CPS1: variants seen among roughly 807,000 people sequenced by gnomAD.
CPS1 encodes the protein carbamoyl-phosphate synthase [ammonia], mitochondrial.
A neutral mutation model predicts 174.6 loss-of-function variants in CPS1; 109 were observed. The observed-to-expected ratio is 0.62, with a 90% CI of 0.53 to 0.73. The LOEUF (loss-of-function observed/expected upper bound fraction) is 0.73. CPS1 is among the 30% of genes least tolerant of loss of function. The pLI is 0.00. For missense variants in CPS1, 1,689 were observed against 1,821.9 expected (o/e 0.93, Z 1.33); for synonymous variants, 637 against 632.0 (o/e 1.01, Z -0.12).
intron 21 of CPS1, among the ~76,000 whole-genome samples, chr2:210,626,880 C>T (rs1699714229): frequency 6.6e-6 from 1 of 152,114 alleles, no homozygotes; most frequent in Non-Finnish European, 1.5e-5. Flanking sequence ...AAGTACATTT[C>T]TATTATAATA....
chr2:210,513,083 T>C (rs1695570517), intron 1 of CPS1, among the ~76,000 whole-genome samples: 1 of 136,624 alleles, frequency 7.3e-6, no homozygotes. Context: ...GAGATATATA[T>C]ATGGAGATAC....
intron 1 of CPS1, among the ~76,000 whole-genome samples, chr2:210,513,714 T>A (rs925583515): frequency 6.6e-6 from 1 of 151,952 alleles, no homozygotes; most frequent in Admixed American, 6.6e-5. Flanking sequence ...TGTGAATTTT[T>A]GTTTCTGTTG....
At position 210,661,945 on chromosome 2, in the gene CPS1, A is replaced by G. The variant is rs573296337; in HGVS notation, c.3928-1178A>G. 1.8e-3 allele frequency among the ~76,000 whole-genome samples: 222 copies of G among 124,930 alleles called. 1 individual carries two copies. The highest frequency in any genetic ancestry group is 6.6e-3 in the African/African-American group (210 of 31,676). 82.0% of individuals were successfully genotyped at this position (124,930 alleles called of 152,430 possible). On this transcript the variant is annotated intron_variant, in intron 32 of 37. Transcript: ENST00000233072. Reference sequence around the variant, plus strand: ...TTTTGAGACGGAGTCTTGCTCTGTCACCCTGGCTGGAGTGCAGTGCCATGA... The same window carrying G: ...TTTTGAGACGGAGTCTTGCTCTGTCGCCCTGGCTGGAGTGCAGTGCCATGA...
chr2:210,604,872 C>G, intron 16 of CPS1: 1 of 530,306 alleles, frequency 1.9e-6, no homozygotes, highest in Non-Finnish European at 3.4e-6. Flanking sequence ...CATATCAGCA[C>G]TTTGAATGGC....
chr2:210,510,419 A>G (rs907176423), intron 1 of CPS1, among the ~76,000 whole-genome samples: 3 of 152,206 alleles, frequency 2.0e-5, no homozygotes, highest in African/African-American at 7.2e-5. Context: ...TAAAACCATA[A>G]AAACCCTAGA....
intron 8 of CPS1, among the ~76,000 whole-genome samples, chr2:210,590,507 T>A (rs1032189031): frequency 2.0e-5 from 3 of 152,022 alleles, no homozygotes; most frequent in African/African-American, 7.2e-5. Flanking sequence ...TATTTTGCTT[T>A]ACAGTTTTAA....
intron 1 of CPS1, among the ~76,000 whole-genome samples, chr2:210,497,889 CATACATATATATATAT>C (rs1383390647): frequency 1.6e-5 from 1 of 63,066 alleles, no homozygotes; most frequent in African/African-American, 5.0e-5. Flanking sequence ...ACAATATATA[CATACATATATATATAT>C]ATATATATAT....
chr2:210,478,669 C>T lies in CPS1; in HGVS notation c.3+903C>T, dbSNP rs140810513. On this transcript the variant is annotated intron_variant, in intron 1 of 38. Coordinates refer to the CPS1 transcript ENST00000430249. Reference sequence around the variant, plus strand: ...ACACTGTGATTTGAGGATTTAGCTTCATATTCAAAATGTCTTTGTCTACTC... The same window carrying T: ...ACACTGTGATTTGAGGATTTAGCTTTATATTCAAAATGTCTTTGTCTACTC... Among the ~76,000 whole-genome samples the T allele has an allele frequency of 3.6e-3, 554 of 152,314 alleles. 3 individuals are homozygous for T. The highest frequency in any genetic ancestry group is 0.012 in the African/African-American group (497 of 41,564).
chr2:210,669,370 G>T (rs1701217235), intron 34 of CPS1, among the ~76,000 whole-genome samples: 1 of 152,066 alleles, frequency 6.6e-6, no homozygotes. Context: ...TGGGTCCTAT[G>T]AAAAACAACA....
chr2:210,599,643 T>G, intron 14 of CPS1, 82 bp downstream of exon 14: 1 of 1,448,486 alleles, frequency 6.9e-7, no homozygotes, highest in African/African-American at 1.4e-5. Flanking sequence ...ATCTAACAAT[T>G]GTGCTTTGTG....
chr2:210,515,031 C>A (rs188074434), intron 1 of CPS1, among the ~76,000 whole-genome samples: 23 of 151,466 alleles, frequency 1.5e-4, no homozygotes, highest in Admixed American at 4.0e-4. Context: ...GAACTTTACA[C>A]CCTAGGAATG....
chr2:210,588,429 A>G (rs1698180320), intron 7 of CPS1, among the ~76,000 whole-genome samples: 1 of 151,996 alleles, frequency 6.6e-6, no homozygotes. Flanking sequence ...TCTGAGATGC[A>G]TCATGTTCAC....
At chr2:210,513,010 A>G (rs1695563607) in intron 1 of CPS1, among the ~76,000 whole-genome samples, 1 of 9,722 alleles carries the variant, frequency 1.0e-4, no homozygotes, top group African/African-American at 1.8e-4. Context: ...AGATATATAT[A>G]TATCTATATA....
intron 1 of CPS1, among the ~76,000 whole-genome samples, chr2:210,543,297 A>G (rs1696479620): frequency 6.6e-6 from 1 of 152,126 alleles, no homozygotes. Flanking sequence ...ATTGCACTAT[A>G]AATGGCAAAT....
intron 19 of CPS1, 133 bp from the exon 20 acceptor site, chr2:210,611,984 T>TTA: frequency 1.2e-6 from 1 of 806,566 alleles, no homozygotes; most frequent in African/African-American, 1.8e-5. Flanking sequence ...TTTTTTTTTT[T>TTA]AATTTGAGAG....
chr2:210,608,437 A>T lies in CPS1; in HGVS notation c.2269A>T (p.Lys757Ter). The change falls in exon 19 of 38, where the codon AAG becomes TAG. Residue 757 changes from lysine to a stop codon, truncating the protein, a stop_gained. Transcript: ENST00000233072. LOFTEE classifies it high-confidence loss of function. ...LPEIKNVVSGKTSACFEPSLD... is the reference protein window; with the variant it reads ...LPEIKNVVSG ...AGAAATTAAGAACGTCGTATCCGGG[A>T]AGACATCAGCCTGTTTTGAACCTAG... The T allele has an allele frequency of 6.2e-7, 1 of 1,612,572 alleles. No homozygotes were observed. Among genetic ancestry groups the T allele is most frequent in the Non-Finnish European group, 8.5e-7 (1 of 1,179,014 alleles).
intron 1 of CPS1, among the ~76,000 whole-genome samples, chr2:210,497,837 G>C (rs1190939878): frequency 6.8e-6 from 1 of 147,270 alleles, no homozygotes; most frequent in Non-Finnish European, 1.5e-5. Flanking sequence ...ATTCTGAAGA[G>C]TGCTGCAATA....
At chr2:210,515,711 T>C (rs1273909186) in intron 1 of CPS1, among the ~76,000 whole-genome samples, 1 of 151,766 alleles carries the variant, frequency 6.6e-6, no homozygotes, top group Non-Finnish European at 1.5e-5. Context: ...TCAGTTCCAC[T>C]CTGTTAGTTA....
Position 210,656,641 on chromosome 2 carries a change from T to G in CPS1, c.3666+9T>G. 1 of 1,604,600 alleles carries G rather than the reference T, an allele frequency of 6.2e-7. No homozygotes were observed. The highest frequency in any genetic ancestry group is 8.5e-7 in the Non-Finnish European group (1 of 1,171,784). ...AAGGGGCCATTGAAAAGGTCATCAT[T>G]TATAAATAAAAGTGGAAGGGAAAAG... On this transcript the variant is annotated intron_variant, in intron 30 of 37. Coordinates refer to ENST00000233072, the MANE Select transcript of CPS1 (RefSeq NM_001875.5).
Sources: gnomAD v4.1 joint callset for allele counts (sites outside exome capture counted in the v4.1 genomes callset) on GRCh38, gnomAD v4.1.1 for gene constraint, MANE v1.5 for transcripts, NCBI Gene and HGNC (gene_info 2026-07-23, HGNC 2026-07-21) for gene names.